TECPR1: variants seen among roughly 807,000 people sequenced by gnomAD.
The protein encoded by TECPR1 is tectonin beta-propeller repeat-containing protein 1.
Under a neutral mutation model 162.4 loss-of-function variants are expected in TECPR1, and 122 were observed. The observed-to-expected ratio is 0.75, with a 90% CI of 0.65 to 0.87. The LOEUF (loss-of-function observed/expected upper bound fraction) is 0.87. TECPR1 is among the 40% of genes least tolerant of loss of function. The pLI is 0.00. For missense variants in TECPR1, 1,432 were observed against 1,618.2 expected, an observed-to-expected ratio of 0.88 and a Z score of 1.97; for synonymous variants, 642 against 670.6, an observed-to-expected ratio of 0.96 and a Z score of 0.66.
Position 98,217,167 on chromosome 7 carries a change from G to A in TECPR1, c.*223C>T, listed in dbSNP as rs1456561160. On this transcript the variant is annotated 3_prime_UTR_variant, in exon 26 of 26. Transcript: ENST00000447648. ...CCCCACCCCATGCCCCACACCCCGG[G>A]ACTCCTCGCAGACGGGGACACGTGT... 7 of 520,434 alleles carry A rather than the reference G, an allele frequency of 1.3e-5. No homozygotes were observed. The highest frequency in any genetic ancestry group is 1.1e-4 in the Admixed American group (3 of 28,008). 32.2% of individuals were successfully genotyped at this position (520,434 alleles called of 1,614,324 possible).
chr7:98,226,765 C>G, intron 17 of TECPR1: 1 of 748,970 alleles, frequency 1.3e-6, no homozygotes, highest in South Asian at 1.5e-5. Flanking sequence ...GAAATCCTGT[C>G]TCTACTAAAA....
Position 98,225,106 on chromosome 7 carries a change from C to A in TECPR1, c.2514-4G>T. The A allele has an allele frequency of 6.4e-7, 1 of 1,564,432 alleles. No homozygotes were observed. The highest frequency in any genetic ancestry group is 8.6e-7 in the Non-Finnish European group (1 of 1,156,468). ...GTACCGGTCCGTGGGCAGACCCCTG[C>A]GGCAGGACAACAGGGCAGGTGACGA... On this transcript the variant is annotated splice_polypyrimidine_tract_variant and splice_region_variant and intron_variant, in intron 17 of 25. Coordinates refer to ENST00000447648, the MANE Select transcript of TECPR1 (RefSeq NM_015395.3).
At chr7:98,234,397 G>A (rs964729975) in intron 10 of TECPR1, among the ~76,000 whole-genome samples, 1 of 152,138 alleles carries the variant, frequency 6.6e-6, no homozygotes, top group Non-Finnish European at 1.5e-5. Context: ...CAAGTGATTC[G>A]CTGGGCTCAG....
chr7:98,243,538 C>T lies in TECPR1; in HGVS notation c.586G>A (p.Val196Ile), dbSNP rs774919873. 1 of 1,612,630 alleles carries T rather than the reference C, an allele frequency of 6.2e-7. No homozygotes were observed. The highest frequency in any genetic ancestry group is 2.2e-5 in the East Asian group (1 of 44,870). The change falls in exon 6 of 26, where the codon GTA (valine) becomes ATA (isoleucine). Residue 196 changes from valine (V) to isoleucine (I), a missense_variant. By Grantham distance (29) the Val-to-Ile change is conservative (BLOSUM62 3). Transcript: ENST00000447648. ...TCCTCCGTGATCTCCCAGCCCCCTA[C>T]AGAGAGGTCGTTGAAGGGGTCGGGC... ...ELPDPFNDLS[V>I]GGWEITEEPV...
chr7:98,236,979 G>A (rs3735258), intron 9 of TECPR1, 58 bp from the exon 10 acceptor site: 367,089 of 1,459,534 alleles, frequency 0.25, 48,711 homozygotes, highest in East Asian at 0.47. Flanking sequence ...GGCTCTTCTC[G>A]CTTCCTAGGG....
At chr7:98,225,750 C>T (rs1467778219) in intron 17 of TECPR1, among the ~76,000 whole-genome samples, 1 of 152,122 alleles carries the variant, frequency 6.6e-6, no homozygotes, top group Non-Finnish European at 1.5e-5. Flanking sequence ...AATTCCTGGG[C>T]TCAATTGATC....
chr7:98,229,917 T>A (rs1798377520), intron 15 of TECPR1, among the ~76,000 whole-genome samples: 1 of 151,588 alleles, frequency 6.6e-6, no homozygotes, highest in African/African-American at 2.4e-5. Flanking sequence ...ATAGCCCCCA[T>A]GTCCCCTGCC....
intron 17 of TECPR1, 70 bp from the exon 18 acceptor site, chr7:98,225,172 T>TAACACCCCAC: frequency 7.2e-7 from 1 of 1,388,166 alleles, no homozygotes; most frequent in South Asian, 1.3e-5. Flanking sequence ...GACACCCCCA[T>TAACACCCCAC]AACACCCCAC....
At chr7:98,243,703 C>T in intron 5 of TECPR1, 111 bp from the exon 6 acceptor site, 1 of 1,379,866 alleles carries the variant, frequency 7.2e-7, no homozygotes, top group Non-Finnish European at 9.7e-7. Flanking sequence ...GCCCAGCCTG[C>T]AGCTGCCTTA....
chr7:98,236,895 T>C lies in TECPR1; in HGVS notation c.1062A>G (p.Arg354=). 6.4e-7 allele frequency: 1 copy of C among 1,573,212 alleles called. No homozygotes were observed. Among genetic ancestry groups the C allele is most frequent in the Admixed American group, 1.8e-5 (1 of 54,524 alleles). Residue 354 remains arginine, a synonymous_variant, in exon 10 of 26, where the codon CGA becomes CGG. Transcript: ENST00000447648. ...TGACACCCTGCCGGAAGTACACGGC[T>C]CGGTCCTCACAGCCAATGCCCCACA... The part of the protein sequence containing the change: ...DQVWGIGCED[R]AVYFRQGVTP...
chr7:98,216,522 C>G lies in TECPR1; in HGVS notation c.*868G>C, dbSNP rs1798011296. ...CAGGGAAGAGGACATCCCATCCACT[C>G]CAGTGTTATTTCCAATCTGCTGTCT... On this transcript the variant is annotated 3_prime_UTR_variant, in exon 26 of 26. Coordinates refer to ENST00000447648, the MANE Select transcript of TECPR1 (RefSeq NM_015395.3). 1 of 152,198 alleles carries G rather than the reference C, an allele frequency of 6.6e-6. No individual in the cohort carries two copies. The highest frequency in any genetic ancestry group is 1.5e-5 in the Non-Finnish European group (1 of 68,136). The allele number at this position is 152,198 out of a possible 1,614,324, so 9.4% of individuals were successfully genotyped here.
Position 98,241,176 on chromosome 7 carries a change from G to A in TECPR1, c.726C>T (p.Pro242=), listed in dbSNP as rs772032383. 23 of 1,612,702 alleles carry A rather than the reference G, an allele frequency of 1.4e-5. No homozygotes were observed. The highest frequency in any genetic ancestry group is 1.6e-4 in the Middle Eastern group (1 of 6,082). Residue 242 remains proline (P), a synonymous_variant, in exon 7 of 26, where the codon CCC becomes CCT. Transcript: ENST00000447648. The surrounding 1 kb of genome is among the most constrained non-coding windows in gnomAD (Gnocchi z 5.0). ...CACAGCTGATCTGAACCACCTCCCC[G>A]GGGGTGTCCAGCAGGGACCAGGAGG... ...EGSSWSLLDT[P]GEVVQISCGP... is the part of the protein sequence containing the mutation.
At chr7:98,218,249 G>A (rs1294465786) in intron 23 of TECPR1, among the ~76,000 whole-genome samples, 2 of 152,188 alleles carry the variant, frequency 1.3e-5, no homozygotes, top group Non-Finnish European at 2.9e-5. Flanking sequence ...AGCCAGCTCC[G>A]CCTTCTGCAC....
At chr7:98,223,609 G>A (rs2116542235) in intron 20 of TECPR1, 53 bp downstream of exon 20, 2 of 1,591,434 alleles carry the variant, frequency 1.3e-6, no homozygotes, top group Non-Finnish European at 8.6e-7. Flanking sequence ...CTCCCTCAAG[G>A]GTGGCTCCTC....
rs372231636 is a variant in TECPR1 at position 98,243,797 on chromosome 7, T to C, written c.532-205A>G. Among the ~76,000 whole-genome samples the C allele has an allele frequency of 1.4e-3, 214 of 152,328 alleles. 1 individual carries two copies. The highest frequency in any genetic ancestry group is 4.9e-3 in the African/African-American group (203 of 41,580). On this transcript the variant is annotated intron_variant, in intron 5 of 25. Transcript: ENST00000447648. ...TTTCAGTAGAGACGTGGTTTCACCA[T>C]GTTGGCCAGGCTGTTCTCAAACTCC...
At chr7:98,238,280 C>A (rs1584347755) in intron 9 of TECPR1, among the ~76,000 whole-genome samples, 1 of 152,228 alleles carries the variant, frequency 6.6e-6, no homozygotes, top group Non-Finnish European at 1.5e-5. Flanking sequence ...CCCCTGTGCA[C>A]TAGCAGGTGC....
intron 23 of TECPR1, among the ~76,000 whole-genome samples, chr7:98,220,971 A>G (rs891278826): frequency 4.7e-5 from 7 of 149,196 alleles, no homozygotes; most frequent in South Asian, 2.3e-4. Context: ...AATTATAGGC[A>G]TGAGCCACTG....
intron 10 of TECPR1, 21 bp downstream of exon 10, chr7:98,236,755 C>A (rs1798609962): frequency 6.3e-7 from 1 of 1,589,992 alleles, no homozygotes; most frequent in Non-Finnish European, 8.5e-7. Flanking sequence ...GACTCCTGCG[C>A]ACCCTGCCAC....
chr7:98,248,142 T>C (rs190303523), intron 2 of TECPR1, among the ~76,000 whole-genome samples: 1 of 152,268 alleles, frequency 6.6e-6, no homozygotes, highest in African/African-American at 2.4e-5. Flanking sequence ...CCCAGGGGTG[T>C]CCTTCCTGGA....
Sources: allele counts gnomAD v4.1 joint callset (sites outside exome capture counted in the v4.1 genomes callset), GRCh38; gene constraint gnomAD v4.1.1; non-coding constraint Gnocchi (gnomAD v3.1); transcripts MANE v1.5; gene names NCBI Gene and HGNC (gene_info 2026-07-23, HGNC 2026-07-21).